The following KIAA1671 variants were observed in gnomAD, a reference collection of about 807,000 sequenced individuals.
KIAA1671 encodes the protein uncharacterized protein KIAA1671.
Under a neutral mutation model 131.2 loss-of-function variants are expected in KIAA1671, and 52 were observed. The ratio of observed to expected loss-of-function variants is 0.40; its 90% CI spans 0.32 to 0.50. The LOEUF (loss-of-function observed/expected upper bound fraction) is 0.50. Ranked by LOEUF, KIAA1671 falls within the 20% of genes least tolerant of loss-of-function variation. The pLI is 0.73. For synonymous variants in KIAA1671, 1,003 were observed against 961.6 expected, an observed-to-expected ratio of 1.04 and a Z score of -0.80; for missense variants, 2,360 against 2,364.2, an observed-to-expected ratio of 1.00 and a Z score of 0.04.
intron 1 of KIAA1671, chr22:25,010,607 A>G (rs1291532060): frequency 2.0e-5 from 3 of 152,148 alleles, no homozygotes; most frequent in Admixed American, 2.0e-4. Flanking sequence ...CTTACTCGTA[A>G]AGAAACTGAT....
intron 10 of KIAA1671, among the ~76,000 whole-genome samples, chr22:25,183,492 T>TTCCTTCCTTCCTTCCTTGTTCTC (rs970557805): frequency 6.3e-5 from 3 of 47,964 alleles, no homozygotes; most frequent in African/African-American, 1.7e-4. Flanking sequence ...CTCTTTCTCC[T>TTCCTTCCTTCCTTCCTTGTTCTC]TCCTTCCTTC....
chr22:25,069,870 G>C (rs1251462366), intron 6 of KIAA1671: 1 of 152,568 alleles, frequency 6.6e-6, no homozygotes, highest in Non-Finnish European at 1.5e-5. Context: ...GTCCACACAT[G>C]CACAAAACAC....
At chr22:25,070,302 C>T (rs746129315) in intron 6 of KIAA1671, 8 of 419,202 alleles carry the variant, frequency 1.9e-5, no homozygotes, top group African/African-American at 6.2e-5. Context: ...TGAGAAGAGC[C>T]GCTCCCGCTA....
Position 25,027,914 on chromosome 22 carries a change from A to G in KIAA1671, c.-55-31A>G, listed in dbSNP as rs932764686. On this transcript the variant is annotated intron_variant, in intron 2 of 12. Coordinates refer to ENST00000358431, the MANE Select transcript of KIAA1671 (RefSeq NM_001145206.2). ...AACCCAGACACTGACTGTTTTCCAA[A>G]TTTACTTGTTTGTTTGTTTTGTTTG... The G allele has an allele frequency of 1.1e-4, 120 of 1,117,354 alleles. No homozygotes were observed. In the African/African-American group the frequency reaches 1.4e-3, roughly 13 times the overall value. The allele number at this position is 1,117,354 out of a possible 1,614,324, so 69.2% of individuals were successfully genotyped here.
intron 1 of KIAA1671, among the ~76,000 whole-genome samples, chr22:24,984,025 G>A (rs1467713145): frequency 6.6e-6 from 1 of 152,026 alleles, no homozygotes; most frequent in Non-Finnish European, 1.5e-5. Context: ...TGATCTGCCC[G>A]CCTCGGCCTC....
intron 6 of KIAA1671, among the ~76,000 whole-genome samples, chr22:25,148,701 C>T (rs1601357609): frequency 6.6e-6 from 1 of 152,114 alleles, no homozygotes; most frequent in East Asian, 1.9e-4. Context: ...TTTTGCCCTT[C>T]AGAGCCTTGC....
At chr22:25,078,225 G>T (rs1317429163) in intron 6 of KIAA1671, among the ~76,000 whole-genome samples, 2 of 152,142 alleles carry the variant, frequency 1.3e-5, no homozygotes, top group African/African-American at 2.4e-5. Flanking sequence ...CATAATAGGT[G>T]CTTAATAGAT....
chr22:25,127,041 T>C (rs1299048934), intron 6 of KIAA1671, among the ~76,000 whole-genome samples: 1 of 152,172 alleles, frequency 6.6e-6, no homozygotes, highest in Non-Finnish European at 1.5e-5. Flanking sequence ...TCTTAAGATC[T>C]TTGCAGTAAA....
At chr22:25,182,307 C>T (rs1934317920) in intron 10 of KIAA1671, among the ~76,000 whole-genome samples, 1 of 150,170 alleles carries the variant, frequency 6.7e-6, no homozygotes, top group African/African-American at 2.5e-5. Flanking sequence ...TCTTTCCTCC[C>T]TCCCTTTCTC....
At chr22:24,957,930 G>A (rs907535285) in intron 1 of KIAA1671, among the ~76,000 whole-genome samples, 8 of 148,758 alleles carry the variant, frequency 5.4e-5, no homozygotes, top group Admixed American at 2.7e-4. Context: ...CACCCACCTC[G>A]GCCTCCCAAA....
chr22:25,197,110 C>G lies in KIAA1671; in HGVS notation c.*4709C>G, dbSNP rs1028194839. ...CTGCCTGCGGTGTTCTTGCAATTGC[C>G]TTAGGAATTCACAAGCTCTAGGAGT... On this transcript the variant is annotated 3_prime_UTR_variant, in exon 13 of 13. Transcript: ENST00000358431. 5.9e-5 allele frequency: 9 copies of G among 152,240 alleles called. No homozygotes were observed. The highest frequency in any genetic ancestry group is 1.2e-4 in the Non-Finnish European group (8 of 68,020). The allele number at this position is 152,240 out of a possible 1,614,324, so 9.4% of individuals were successfully genotyped here.
chr22:25,131,370 C>T (rs1037950742), intron 6 of KIAA1671, among the ~76,000 whole-genome samples: 5 of 152,234 alleles, frequency 3.3e-5, no homozygotes, highest in Admixed American at 1.3e-4. Context: ...GGTACCTCTT[C>T]AGCTCACAGG....
At chr22:25,172,339 G>A (rs566959477) in intron 7 of KIAA1671, among the ~76,000 whole-genome samples, 4 of 152,194 alleles carry the variant, frequency 2.6e-5, no homozygotes, top group Admixed American at 2.0e-4. Flanking sequence ...TCCCCTCCTC[G>A]GGCCACCCCA....
At chr22:25,128,365 C>T (rs1215250025) in intron 6 of KIAA1671, among the ~76,000 whole-genome samples, 2 of 152,158 alleles carry the variant, frequency 1.3e-5, no homozygotes, top group South Asian at 2.1e-4. Context: ...TGAACGGATG[C>T]CAAGCTCCTA....
At chr22:25,183,074 C>T (rs978541242) in intron 10 of KIAA1671, among the ~76,000 whole-genome samples, 2 of 132,870 alleles carry the variant, frequency 1.5e-5, no homozygotes, top group African/African-American at 8.5e-5. Context: ...TTTTGCCCCC[C>T]TGTTTCAGAC....
chr22:24,965,758 A>AG (rs530446891), intron 1 of KIAA1671, among the ~76,000 whole-genome samples: 3,802 of 149,202 alleles, frequency 0.025, 170 homozygotes, highest in African/African-American at 0.09. Context: ...AAAAAAAAAA[A>AG]AAAGAAAAGG....
intron 6 of KIAA1671, among the ~76,000 whole-genome samples, chr22:25,130,649 A>G (rs1183865871): frequency 6.6e-6 from 1 of 151,972 alleles, no homozygotes; most frequent in East Asian, 1.9e-4. Context: ...AGGAATCGTA[A>G]ACATCTAGAT....
intron 6 of KIAA1671, among the ~76,000 whole-genome samples, chr22:25,128,935 G>C (rs991474293): frequency 6.6e-6 from 1 of 152,204 alleles, no homozygotes; most frequent in Admixed American, 6.5e-5. Flanking sequence ...GCCAGCTGCA[G>C]TACCGGGTGC....
intron 11 of KIAA1671, 120 bp downstream of exon 11, chr22:25,185,239 T>C: frequency 9.3e-7 from 1 of 1,073,116 alleles, no homozygotes; most frequent in Non-Finnish European, 1.3e-6. Flanking sequence ...TAATTTTCTC[T>C]AGCAGCAGAA....
Sources: gnomAD v4.1 joint callset for allele counts (sites outside exome capture counted in the v4.1 genomes callset) on GRCh38, gnomAD v4.1.1 for gene constraint, MANE v1.5 for transcripts, NCBI Gene and HGNC (gene_info 2026-07-23, HGNC 2026-07-21) for gene names.